The following ZNF254 variants were observed in gnomAD, a reference collection of about 807,000 sequenced individuals.
The protein encoded by ZNF254 is zinc finger protein 254, also known as CTD-2017D11.1.
In ZNF254, 10 loss-of-function variants were observed where a neutral mutation model predicts 12.4. The ratio of observed to expected loss-of-function variants is 0.80; its 90% confidence interval spans 0.50 to 1.36. ZNF254 has a LOEUF of 1.36. ZNF254 is among the 40% of genes most tolerant of loss of function. The pLI is 0.00. For synonymous variants in ZNF254, 305 were observed against 253.4 expected (o/e 1.20, Z -1.93); for missense variants, 996 against 763.9 (o/e 1.30, Z -3.58).
chr19:24,129,228 A>G lies in ZNF254; in HGVS notation c.*1248A>G, dbSNP rs1157751495. 6.6e-6 allele frequency: 1 copy of G among 152,068 alleles called. No individual in the cohort carries two copies. Among genetic ancestry groups the G allele is most frequent in the Admixed American group, 6.6e-5 (1 of 15,250 alleles). The allele number at this position is 152,068 out of a possible 1,614,324, so 9.4% of individuals were successfully genotyped here. On this transcript the variant is annotated 3_prime_UTR_variant, in exon 4 of 4. Transcript: ENST00000357002. ...TCTTAATTTTAGTTAAAATTAAGTTAGTCATATGTTATTTTATTAATTGTA... is the reference window on the plus strand; with the variant it reads ...TCTTAATTTTAGTTAAAATTAAGTTGGTCATATGTTATTTTATTAATTGTA...
chr19:24,121,982 A>G (rs376630382), intron 3 of ZNF254, among the ~76,000 whole-genome samples: 2 of 152,098 alleles, frequency 1.3e-5, no homozygotes, highest in Non-Finnish European at 2.9e-5. Flanking sequence ...TTATGAATCT[A>G]TATGATTTTT....
At chr19:24,040,693 GCA>G (rs1275408743) in intron 1 of ZNF254, among the ~76,000 whole-genome samples, 1 of 152,176 alleles carries the variant, frequency 6.6e-6, no homozygotes, top group Non-Finnish European at 1.5e-5. Flanking sequence ...TACATGGTGA[GCA>G]CATAGTACAA....
chr19:24,070,680 C>G (rs1167453897), intron 2 of ZNF254, among the ~76,000 whole-genome samples: 1 of 152,206 alleles, frequency 6.6e-6, no homozygotes, highest in East Asian at 1.9e-4. Context: ...CTGAGCCTTT[C>G]TGCATGTGTG....
intron 1 of ZNF254, among the ~76,000 whole-genome samples, chr19:24,034,746 G>A (rs1229592768): frequency 6.6e-6 from 1 of 151,434 alleles, no homozygotes; most frequent in Non-Finnish European, 1.5e-5. Context: ...CAAAGTGCTG[G>A]AATTACAGGT....
At position 24,126,501 on chromosome 19, in the gene ZNF254, A is replaced by T. The variant is rs770223576; in HGVS notation, c.501A>T (p.Leu167Phe). The T allele has an allele frequency of 6.3e-7, 1 of 1,587,472 alleles. No individual in the cohort carries two copies. The highest frequency in any genetic ancestry group is 2.2e-5 in the East Asian group (1 of 44,738). ...DKYLKVFYKF[L>F]NSNRPKIRHT... ...ATTTGAAAGTCTTCTATAAATTTTTAAATTCAAACAGACCTAAGATAAGAC... is the reference window on the plus strand; with the variant it reads ...ATTTGAAAGTCTTCTATAAATTTTTTAATTCAAACAGACCTAAGATAAGAC... The change falls in exon 4 of 4, where the codon TTA becomes TTT. Residue 167 changes from leucine (L) to phenylalanine (F), a missense_variant. Leu to Phe is a conservative substitution (Grantham distance 22, BLOSUM62 0). Transcript: ENST00000357002.
intron 3 of ZNF254, among the ~76,000 whole-genome samples, chr19:24,110,727 C>T (rs892621346): frequency 1.3e-5 from 2 of 152,064 alleles, no homozygotes; most frequent in African/African-American, 4.8e-5. Flanking sequence ...ACCCTTCCAC[C>T]TTCTGTTTTT....
At position 24,127,963 on chromosome 19, in the gene ZNF254, G is replaced by A. The variant is rs1473205249; in HGVS notation, c.1963G>A (p.Glu655Lys). ...LTTDKITHWR[E>K]ILQV is the part of the protein sequence containing the mutation. ...CACAGATAAGATAACTCATTGGAGA[G>A]AAATCTTACAAGTATGAATAATGTG... The change falls in exon 4 of 4, where the codon GAA becomes AAA. Residue 655 changes from glutamate (E) to lysine (K), a missense_variant. Glu to Lys is a moderately conservative substitution (Grantham distance 56). Transcript: ENST00000357002. 4.5e-6 allele frequency: 7 copies of A among 1,558,578 alleles called. No individual in the cohort carries two copies. The highest frequency in any genetic ancestry group is 6.0e-6 in the Non-Finnish European group (7 of 1,158,200).
At chr19:24,097,265 A>G (rs1488834148) in intron 1 of ZNF254, among the ~76,000 whole-genome samples, 1 of 152,242 alleles carries the variant, frequency 6.6e-6, no homozygotes, top group East Asian at 1.9e-4. Flanking sequence ...TTCCAAGAGC[A>G]CACAAAAGTT....
intron 3 of ZNF254, among the ~76,000 whole-genome samples, chr19:24,112,803 AC>A (rs1278831557): frequency 1.3e-5 from 2 of 152,190 alleles, no homozygotes; most frequent in East Asian, 3.9e-4. Context: ...AAAGAAAAAA[AC>A]ATAGAAGAAT....
At chr19:24,116,401 A>C (rs1209836066) in intron 3 of ZNF254, among the ~76,000 whole-genome samples, 2 of 151,826 alleles carry the variant, frequency 1.3e-5, no homozygotes, top group Non-Finnish European at 2.9e-5. Context: ...AATTCTTTTT[A>C]TTCTTTTTTC....
At chr19:24,101,880 T>C (rs1279265467) in intron 1 of ZNF254, among the ~76,000 whole-genome samples, 1 of 152,192 alleles carries the variant, frequency 6.6e-6, no homozygotes, top group African/African-American at 2.4e-5. Context: ...AGTCATCCTG[T>C]GATTGTTCCT....
intron 2 of ZNF254, chr19:24,049,322 T>G (rs1251535196): frequency 6.6e-6 from 1 of 150,908 alleles, no homozygotes; most frequent in Non-Finnish European, 1.5e-5. Context: ...TCCTCCCGCC[T>G]TGACCTCCCA....
chr19:24,087,042 A>C (rs1972066358), upstream of ZNF254: 2 of 423,112 alleles, frequency 4.7e-6, no homozygotes, highest in African/African-American at 2.0e-5. Flanking sequence ...CTCTTTCTTC[A>C]GCCTAGGGTG....
chr19:24,090,329 T>C (rs1972298508), intron 1 of ZNF254, among the ~76,000 whole-genome samples: 1 of 152,096 alleles, frequency 6.6e-6, no homozygotes, highest in African/African-American at 2.4e-5. Context: ...AGCACTTTAG[T>C]GAGTAGGATG....
At chr19:24,108,097 G>A (rs1228626278) in intron 3 of ZNF254, among the ~76,000 whole-genome samples, 4 of 152,196 alleles carry the variant, frequency 2.6e-5, no homozygotes, top group Non-Finnish European at 2.9e-5. Context: ...GTACAGGAGA[G>A]GATTTTCCGA....
intron 3 of ZNF254, among the ~76,000 whole-genome samples, chr19:24,115,319 T>TG: frequency 6.6e-6 from 1 of 152,110 alleles, no homozygotes; most frequent in African/African-American, 2.4e-5. Flanking sequence ...ATGTGGCACA[T>TG]ATACACCATG....
intron 3 of ZNF254, among the ~76,000 whole-genome samples, chr19:24,111,495 A>T (rs1162516620): frequency 6.6e-6 from 1 of 152,160 alleles, no homozygotes; most frequent in Admixed American, 6.5e-5. Context: ...GTCAAATGGT[A>T]TTTCTAGTTC....
chr19:24,127,350 T>G lies in ZNF254; in HGVS notation c.1350T>G (p.Thr450=), dbSNP rs750698059. 1.9e-6 allele frequency: 3 copies of G among 1,613,532 alleles called. No homozygotes were observed. The highest frequency in any genetic ancestry group is 1.3e-5 in the African/African-American group (1 of 74,872). The change falls in exon 4 of 4, where the codon ACT becomes ACG. Residue 450 remains threonine (T), a synonymous_variant. Coordinates refer to ENST00000357002, the MANE Select transcript of ZNF254 (RefSeq NM_203282.4). The stretch of plus-strand genomic sequence containing the variant: ...CATTTATCTGGTCCTCAACCCTTAC[T>G]AAACATAAGAGAATTCATACTAGAG... ...GKAFIWSSTL[T]KHKRIHTREK...
chr19:24,037,453 A>C (rs1042248690), intron 1 of ZNF254, among the ~76,000 whole-genome samples: 2 of 152,092 alleles, frequency 1.3e-5, no homozygotes, highest in Admixed American at 6.5e-5. Flanking sequence ...GTTTTTTTTG[A>C]GACTGAGTCT....
Sources: gnomAD v4.1 joint callset for allele counts (sites outside exome capture counted in the v4.1 genomes callset) on GRCh38, gnomAD v4.1.1 for gene constraint, MANE v1.5 for transcripts, NCBI Gene and HGNC (gene_info 2026-07-23, HGNC 2026-07-21) for gene names.